TSHZ2: variants seen among roughly 807,000 people sequenced by gnomAD.
TSHZ2 encodes teashirt homolog 2.
Under a neutral mutation model 74.4 loss-of-function variants are expected in TSHZ2, and 21 were observed. The ratio of observed to expected loss-of-function variants is 0.28; its 90% CI spans 0.20 to 0.41. The LOEUF (loss-of-function observed/expected upper bound fraction) is 0.41. Ranked by LOEUF, TSHZ2 falls within the 10% of genes least tolerant of loss-of-function variation. TSHZ2 has a pLI of 1.00. For missense variants in TSHZ2, 1,244 were observed against 1,293.5 expected (o/e 0.96, Z 0.59); for synonymous variants, 540 against 515.3 (o/e 1.05, Z -0.65).
chr20:53,391,156 G>GTTTTGT (rs752934627), intron 2 of TSHZ2, among the ~76,000 whole-genome samples: 1,507 of 62,972 alleles, frequency 0.024, 19 homozygotes, highest in African/African-American at 0.075. Context: ...TTTTGTTTTG[G>GTTTTGT]TTTGGTTTGA....
intron 2 of TSHZ2, among the ~76,000 whole-genome samples, chr20:53,290,337 A>C (rs1208941516): frequency 6.6e-6 from 1 of 151,998 alleles, no homozygotes; most frequent in African/African-American, 2.4e-5. Context: ...ATTTTGGTGG[A>C]TTCATGATCA....
At chr20:53,152,315 C>T (rs1987693903) in intron 1 of TSHZ2, among the ~76,000 whole-genome samples, 1 of 152,136 alleles carries the variant, frequency 6.6e-6, no homozygotes, top group South Asian at 2.1e-4. Flanking sequence ...CTACACAGGG[C>T]TCACTGGGGC....
intron 2 of TSHZ2, among the ~76,000 whole-genome samples, chr20:53,308,057 A>G (rs1440903976): frequency 6.6e-6 from 1 of 152,260 alleles, no homozygotes. Context: ...TTCTCCCACG[A>G]CATAGTGAAC....
intron 2 of TSHZ2, among the ~76,000 whole-genome samples, chr20:53,460,806 C>T (rs577220911): frequency 5.3e-5 from 8 of 152,130 alleles, no homozygotes; most frequent in Admixed American, 2.0e-4. Context: ...AATACCCTGC[C>T]GTGTGAGGTG....
intron 1 of TSHZ2, among the ~76,000 whole-genome samples, chr20:53,090,308 T>C (rs962089092): frequency 6.6e-6 from 1 of 152,172 alleles, no homozygotes; most frequent in Non-Finnish European, 1.5e-5. Context: ...ATCTCCTTTG[T>C]CAACACCCTC....
chr20:53,000,628 A>C (rs1481488617), intron 1 of TSHZ2, among the ~76,000 whole-genome samples: 1 of 152,252 alleles, frequency 6.6e-6, no homozygotes, highest in Admixed American at 6.5e-5. Context: ...TGCAAGTTAT[A>C]GAAATGGGAT....
At chr20:53,403,998 G>C (rs1230118802) in intron 2 of TSHZ2, among the ~76,000 whole-genome samples, 1 of 152,174 alleles carries the variant, frequency 6.6e-6, no homozygotes, top group Non-Finnish European at 1.5e-5. Context: ...AAATCTTCAT[G>C]CATTTTATTT....
intron 2 of TSHZ2, among the ~76,000 whole-genome samples, chr20:53,432,078 C>T (rs1264801296): frequency 1.3e-5 from 2 of 152,250 alleles, no homozygotes; most frequent in African/African-American, 4.8e-5. Context: ...GTGCATTGGT[C>T]ACCCGAGTAG....
intron 1 of TSHZ2, among the ~76,000 whole-genome samples, chr20:53,075,506 G>A (rs918315413): frequency 3.3e-5 from 5 of 152,176 alleles, no homozygotes; most frequent in Admixed American, 2.6e-4. Context: ...TAAAAGGAGC[G>A]ACAAATCAGG....
intron 1 of TSHZ2, among the ~76,000 whole-genome samples, chr20:53,111,789 A>G (rs778683005): frequency 4.6e-5 from 7 of 151,740 alleles, no homozygotes; most frequent in Non-Finnish European, 1.0e-4. Flanking sequence ...CAGGAAAGTC[A>G]GTGTTTCCTT....
intron 2 of TSHZ2, among the ~76,000 whole-genome samples, chr20:53,275,540 T>G (rs1433500735): frequency 6.6e-6 from 1 of 152,150 alleles, no homozygotes. Flanking sequence ...TGCAGGTCGA[T>G]GAGCACAAGC....
intron 2 of TSHZ2, among the ~76,000 whole-genome samples, chr20:53,367,921 T>C (rs770174270): frequency 3.9e-5 from 6 of 152,196 alleles, no homozygotes; most frequent in Non-Finnish European, 8.8e-5. Context: ...AAACCAAGGA[T>C]AAATCTATTT....
At chr20:53,261,083 C>T (rs898050025) in intron 2 of TSHZ2, among the ~76,000 whole-genome samples, 1 of 152,182 alleles carries the variant, frequency 6.6e-6, no homozygotes, top group Non-Finnish European at 1.5e-5. Flanking sequence ...GTTTTGAACC[C>T]AGGACTGTCC....
chr20:53,293,700 C>A (rs75351306), intron 2 of TSHZ2, among the ~76,000 whole-genome samples: 81 of 120,128 alleles, frequency 6.7e-4, no homozygotes, highest in South Asian at 1.7e-3. Context: ...AACTGGCTCT[C>A]AAAAAAAAAA....
At chr20:53,250,338 C>A (rs943272040) in intron 1 of TSHZ2, among the ~76,000 whole-genome samples, 1 of 152,170 alleles carries the variant, frequency 6.6e-6, no homozygotes, top group Non-Finnish European at 1.5e-5. Context: ...TTAAACAAGT[C>A]ATCAATACAG....
intron 1 of TSHZ2, among the ~76,000 whole-genome samples, chr20:53,230,521 G>A (rs1306139546): frequency 6.6e-6 from 1 of 152,138 alleles, no homozygotes; most frequent in Non-Finnish European, 1.5e-5. Context: ...CATGCACAGA[G>A]AAGCCAAGAG....
At chr20:53,351,626 T>TCAAA (rs1367644459) in intron 2 of TSHZ2, among the ~76,000 whole-genome samples, 1 of 152,226 alleles carries the variant, frequency 6.6e-6, no homozygotes, top group East Asian at 1.9e-4. Context: ...CCATGTTTAT[T>TCAAA]CAAACACTAA....
chr20:53,056,853 A>C (rs1470469960), intron 1 of TSHZ2, among the ~76,000 whole-genome samples: 1 of 152,164 alleles, frequency 6.6e-6, no homozygotes, highest in Non-Finnish European at 1.5e-5. Context: ...ATGATTCAGA[A>C]CCTTAGGATC....
rs181954313 is a variant in TSHZ2, at chr20:53,173,993, C to T, written c.41-79506C>T. On this transcript the variant is annotated intron_variant, in intron 1 of 2. Transcript: ENST00000371497. ...ACACAAACACATACAGACAGACATA[C>T]ACACACATACACATACCCATGAAGG... Among the ~76,000 whole-genome samples, 67 of 152,242 alleles carry T rather than the reference C, an allele frequency of 4.4e-4. 1 individual carries two copies. Among genetic ancestry groups the T allele is most frequent in the Admixed American group, 3.5e-3 (54 of 15,294 alleles).
Sources: allele counts gnomAD v4.1 joint callset (sites outside exome capture counted in the v4.1 genomes callset), GRCh38; gene constraint gnomAD v4.1.1; transcripts MANE v1.5; gene names NCBI Gene and HGNC (gene_info 2026-07-23, HGNC 2026-07-21).